RPL6: variants seen among roughly 807,000 people sequenced by gnomAD.
RPL6 encodes the protein large ribosomal subunit protein eL6.
RPL6 carries 1 observed loss-of-function variant against 32.1 expected under a neutral mutation model. That is an observed-to-expected ratio of 0.03 (90% CI 0.01 to 0.15). RPL6 has a LOEUF of 0.15. Among genes scored for constraint, RPL6 ranks in the 10% least tolerant of loss-of-function variants. The pLI, the probability that RPL6 is intolerant of heterozygous loss-of-function variation, is 1.00. For missense variants in RPL6, 275 were observed against 354.6 expected (o/e 0.78, Z 1.80); for synonymous variants, 126 against 131.6 (o/e 0.96, Z 0.29).
In RPL6 at chr12:112,408,589, G is replaced by C; in HGVS notation, c.68C>G (p.Ala23Gly). ...EKKPEAKKVD[A>G]GGKVKKGNLK... is the part of the protein sequence containing the mutation. ...GTTACCCTTTTTCACCTTGCCACCA[G>C]CATCAACCTTCTTGGCTTCGGGTTT... The change falls in exon 2 of 7, where the codon GCT becomes GGT. Residue 23 changes from alanine (A) to glycine (G), a missense_variant. Ala to Gly is a moderately conservative substitution (Grantham distance 60). Transcript: ENST00000202773. 1.9e-6 allele frequency: 3 copies of C among 1,600,034 alleles called. No individual in the cohort carries two copies. The highest frequency in any genetic ancestry group is 2.2e-5 in the East Asian group (1 of 44,862).
chr12:112,413,476 T>G (rs1216048640), upstream of RPL6, among the ~76,000 whole-genome samples: 3 of 152,196 alleles, frequency 2.0e-5, no homozygotes, highest in African/African-American at 7.2e-5. Context: ...AGGCAGAGTT[T>G]GCAGTGAGCC....
intron 1 of RPL6, among the ~76,000 whole-genome samples, chr12:112,418,171 G>A (rs1173434912): frequency 6.6e-6 from 1 of 151,774 alleles, no homozygotes; most frequent in Non-Finnish European, 1.5e-5. Context: ...GTGGAGACGG[G>A]GTTTCACCAT....
Position 112,406,354 on chromosome 12 carries a change from A to G in RPL6, c.481-12T>C. The stretch of plus-strand genomic sequence containing the variant: ...AGGAAAACCACCCTCTGTAAGTTAA[A>G]AAGAAAATAATTAGTTTTCTGCAAT... On this transcript the variant is annotated splice_polypyrimidine_tract_variant and intron_variant, in intron 4 of 6. Coordinates refer to ENST00000202773, the MANE Select transcript of RPL6 (RefSeq NM_000970.6). 1 of 1,609,246 alleles carries G rather than the reference A, an allele frequency of 6.2e-7. No homozygotes were observed. Among genetic ancestry groups the G allele is most frequent in the South Asian group, 1.1e-5 (1 of 90,722 alleles).
intron 1 of RPL6, 199 bp downstream of exon 1, chr12:112,409,388 G>C (rs1184025554): frequency 3.0e-5 from 12 of 397,966 alleles, no homozygotes; most frequent in Non-Finnish European, 5.3e-5. Flanking sequence ...ACCGGAGGGA[G>C]CCACTACGGC....
chr12:112,406,597 A>G, intron 4 of RPL6, 150 bp downstream of exon 4: 1 of 1,096,940 alleles, frequency 9.1e-7, no homozygotes, highest in Non-Finnish European at 1.3e-6. Context: ...TACACTTCTT[A>G]TTTGCAACAA....
upstream of RPL6, among the ~76,000 whole-genome samples, chr12:112,414,989 TTA>T (rs2037387820): frequency 6.6e-6 from 1 of 152,024 alleles, no homozygotes. Context: ...GTGTAGCATG[TTA>T]GGTTCTAAGG....
chr12:112,415,902 A>G (rs2037401189), intron 1 of RPL6, among the ~76,000 whole-genome samples: 1 of 147,484 alleles, frequency 6.8e-6, no homozygotes, highest in Non-Finnish European at 1.5e-5. Context: ...ACTTCATTCT[A>G]AAATCAAGGA....
At chr12:112,414,902 A>T (rs941702407), upstream of RPL6, among the ~76,000 whole-genome samples, 4 of 144,914 alleles carry the variant, frequency 2.8e-5, no homozygotes, top group Non-Finnish European at 6.1e-5. Flanking sequence ...GAGACTGTCT[A>T]AAAAAAAAAA....
intron 1 of RPL6, among the ~76,000 whole-genome samples, chr12:112,417,183 G>C (rs762211475): frequency 6.6e-6 from 1 of 152,000 alleles, no homozygotes; most frequent in Non-Finnish European, 1.5e-5. Context: ...TCAGCCTCCG[G>C]AGTAGCTGGG....
In RPL6 at chr12:112,408,024, T is replaced by TC; in HGVS notation, c.336+215dup. 7.2e-6 allele frequency: 4 copies of TC among 557,822 alleles called. No individual in the cohort carries two copies. In the South Asian group the frequency reaches 8.6e-5, roughly 12 times the overall value. 34.6% of individuals were successfully genotyped at this position (557,822 alleles called of 1,614,324 possible). Reference sequence around the variant, plus strand: ...CATTAGCCACCACACTCAGCCTCATTCCCATATTATATGCAAAGGAACAAA... The same window carrying TC: ...CATTAGCCACCACACTCAGCCTCATTCCCCATATTATATGCAAAGGAACAAA... On this transcript the variant is annotated intron_variant, in intron 3 of 6. Coordinates refer to ENST00000202773, the MANE Select transcript of RPL6 (RefSeq NM_000970.6).
chr12:112,408,487 T>C lies in RPL6; in HGVS notation c.170A>G (p.Tyr57Cys), dbSNP rs1161492747. 1.9e-6 allele frequency: 3 copies of C among 1,613,944 alleles called. No homozygotes were observed. Among genetic ancestry groups the C allele is most frequent in the African/African-American group, 2.7e-5 (2 of 74,928 alleles). Residue 57 changes from tyrosine (Y) to cysteine (C), a missense_variant, in exon 2 of 7, where the codon TAT becomes TGT. Transcript: ENST00000202773. ...TCTGGAATACATGGCAGATCGGGAATACCTGCCAATTCCTCTGACAAGGAC... is the reference window on the plus strand; with the variant it reads ...TCTGGAATACATGGCAGATCGGGAACACCTGCCAATTCCTCTGACAAGGAC... ...NPVLVRGIGRYSRSAMYSRKA... is the reference protein window; with the variant it reads ...NPVLVRGIGRCSRSAMYSRKA...
At position 112,406,019 on chromosome 12, in the gene RPL6, C is replaced by T. The variant is rs753191894; in HGVS notation, c.548G>A (p.Arg183Gln). The T allele has an allele frequency of 6.2e-7, 1 of 1,612,264 alleles. No homozygotes were observed. Among genetic ancestry groups the T allele is most frequent in the Non-Finnish European group, 8.5e-7 (1 of 1,179,274 alleles). Residue 183 changes from arginine to glutamine, a missense_variant, in exon 6 of 7, where the codon CGA (arginine) becomes CAA (glutamine). Coordinates refer to ENST00000202773, the MANE Select transcript of RPL6 (RefSeq NM_000970.6). ...LLVTGPLVLN[R>Q]VPLRRTHQKF... is the part of the protein sequence containing the mutation. ...CTGGTGTGTTCTTCGTAGAGGAACT[C>T]GATTGAGGACCAGAGGTCCTAAGGG... is the stretch of plus-strand genomic sequence containing the variant.
chr12:112,414,810 C>T (rs1406973463), upstream of RPL6, among the ~76,000 whole-genome samples: 1 of 151,512 alleles, frequency 6.6e-6, no homozygotes, highest in African/African-American at 2.4e-5. Context: ...GAGGCTGAGG[C>T]AAGAGAATGG....
intron 1 of RPL6, chr12:112,418,587 G>A (rs2037457864): frequency 4.1e-6 from 1 of 241,364 alleles, no homozygotes; most frequent in South Asian, 1.2e-4. Context: ...AGGAAACCGA[G>A]GCTCGGAGAC....
chr12:112,412,160 C>T (rs1386841776), upstream of RPL6, among the ~76,000 whole-genome samples: 1 of 152,174 alleles, frequency 6.6e-6, no homozygotes, highest in Non-Finnish European at 1.5e-5. Context: ...CTGCCTCAGC[C>T]TCCCGAGTAG....
At position 112,406,017 on chromosome 12, in the gene RPL6, C is replaced by T; in HGVS notation, c.550G>A (p.Val184Ile). ...TTCTGGTGTGTTCTTCGTAGAGGAACTCGATTGAGGACCAGAGGTCCTAAG... is the reference window on the plus strand; with the variant it reads ...TTCTGGTGTGTTCTTCGTAGAGGAATTCGATTGAGGACCAGAGGTCCTAAG... Reference protein sequence around the residue: ...LVTGPLVLNRVPLRRTHQKFV... With the variant: ...LVTGPLVLNRIPLRRTHQKFV... The change falls in exon 6 of 7, where the codon GTT becomes ATT. Residue 184 changes from valine to isoleucine, a missense_variant. Physicochemically the swap from Val to Ile is conservative, Grantham distance 29 (BLOSUM62 3). Transcript: ENST00000202773. 2 of 1,613,254 alleles carry T rather than the reference C, an allele frequency of 1.2e-6. No homozygotes were observed. The highest frequency in any genetic ancestry group is 1.7e-4 in the Middle Eastern group (1 of 6,056).
In RPL6 at chr12:112,408,429, A is replaced by G; in HGVS notation, c.228T>C (p.Ala76=). 1.2e-6 allele frequency: 2 copies of G among 1,614,212 alleles called. No homozygotes were observed. Among genetic ancestry groups the G allele is most frequent in the Non-Finnish European group, 1.7e-6 (2 of 1,180,026 alleles). The change falls in exon 2 of 7, where the codon GCT becomes GCC. Residue 76 remains alanine, a synonymous_variant. Transcript: ENST00000202773. The part of the protein sequence containing the change: ...KAMYKRKYSA[A]KSKVEKKKKE... Reference sequence around the variant, plus strand: ...GGTCCTCTTCCCTTACCTTGGATTTAGCGGCTGAGTACTTCCTCTTGTACA... The same window carrying G: ...GGTCCTCTTCCCTTACCTTGGATTTGGCGGCTGAGTACTTCCTCTTGTACA...
At chr12:112,413,125 GT>G (rs1162825656), upstream of RPL6, among the ~76,000 whole-genome samples, 1 of 152,076 alleles carries the variant, frequency 6.6e-6, no homozygotes, top group Non-Finnish European at 1.5e-5. Context: ...GAAAATTACT[GT>G]TTGTTATTTA....
chr12:112,406,578 A>T, intron 4 of RPL6, 169 bp downstream of exon 4: 1 of 963,580 alleles, frequency 1.0e-6, no homozygotes. Flanking sequence ...CTAATAAATC[A>T]CCATGGATTA....
Sources: allele counts gnomAD v4.1 joint callset (sites outside exome capture counted in the v4.1 genomes callset), GRCh38; gene constraint gnomAD v4.1.1; transcripts MANE v1.5; gene names NCBI Gene and HGNC (gene_info 2026-07-23, HGNC 2026-07-21).